Variants in IL1RAPL2 observed in about 807,000 individuals in gnomAD.
IL1RAPL2 encodes X-linked interleukin-1 receptor accessory protein-like 2.
A neutral mutation model predicts 44.1 loss-of-function variants in IL1RAPL2; 3 were observed. The ratio of observed to expected loss-of-function variants is 0.07; its 90% CI spans 0.03 to 0.18. IL1RAPL2 has a LOEUF of 0.18. Ranked by LOEUF, IL1RAPL2 falls within the 10% of genes least tolerant of loss-of-function variation. IL1RAPL2 has a pLI of 1.00. For synonymous variants in IL1RAPL2, 181 were observed against 178.8 expected, an observed-to-expected ratio of 1.01 and a Z score of -0.10; for missense variants, 391 against 496.4, an observed-to-expected ratio of 0.79 and a Z score of 2.02.
At position 105,297,459 on chromosome X, in the gene IL1RAPL2, C is replaced by T. The variant is rs188563400; in HGVS notation, c.697+29918C>T. 6.9e-4 allele frequency among the ~76,000 whole-genome samples: 77 copies of T among 111,313 alleles called. No homozygotes were observed. The Middle Eastern group carries it at 0.018, about 27-fold the overall frequency. On this transcript the variant is annotated intron_variant, in intron 5 of 10. Coordinates refer to ENST00000372582, the MANE Select transcript of IL1RAPL2 (RefSeq NM_017416.2). ...TTATAATGAAAAGAGGTTTAATTGA[C>T]TCAGAGTTCTGCATGGCTGGGGGGT... is the stretch of plus-strand genomic sequence containing the variant.
intron 6 of IL1RAPL2, among the ~76,000 whole-genome samples, chrX:105,486,640 G>A (rs779397789): frequency 2.2e-4 from 24 of 110,433 alleles, no homozygotes; most frequent in African/African-American, 6.6e-4. Context: ...GCCATATGAC[G>A]GTCTCGTATC....
At position 104,680,199 on chromosome X, in the gene IL1RAPL2, G is replaced by T. The variant is rs1186292430; in HGVS notation, c.82+21204G>T. ...TCTTTACTTTGGAATGCCTTTAATT[G>T]TTAGGAAACTAAAATCTGTTCTTTT... On this transcript the variant is annotated intron_variant, in intron 2 of 10. Coordinates refer to ENST00000372582, the MANE Select transcript of IL1RAPL2 (RefSeq NM_017416.2). Among the ~76,000 whole-genome samples the T allele has an allele frequency of 2.7e-5, 3 of 111,538 alleles. No homozygotes were observed. In the Admixed American group the frequency reaches 2.9e-4, roughly 11 times the overall value.
chrX:105,006,710 T>A lies in IL1RAPL2; in HGVS notation c.83-188765T>A, dbSNP rs768243770. ...CAATTATTGAGCACTTAAGCTCAGCTGGAATCCTATGAACTACTGTTTCCA... is the reference window on the plus strand; with the variant it reads ...CAATTATTGAGCACTTAAGCTCAGCAGGAATCCTATGAACTACTGTTTCCA... On this transcript the variant is annotated intron_variant, in intron 2 of 10. Coordinates refer to ENST00000372582, the MANE Select transcript of IL1RAPL2 (RefSeq NM_017416.2). 1.3e-4 allele frequency among the ~76,000 whole-genome samples: 14 copies of A among 111,179 alleles called. No individual in the cohort carries two copies. The South Asian group carries it at 4.9e-3, about 39-fold the overall frequency.
intron 2 of IL1RAPL2, among the ~76,000 whole-genome samples, chrX:105,153,386 G>A (rs756442119): frequency 4.5e-5 from 5 of 112,282 alleles, no homozygotes; most frequent in Non-Finnish European, 9.4e-5. Flanking sequence ...TCACAGGGTG[G>A]TTAAATAAAT....
chrX:104,826,890 T>C (rs1047369629), intron 2 of IL1RAPL2, among the ~76,000 whole-genome samples: 3 of 108,859 alleles, frequency 2.8e-5, no homozygotes, highest in Non-Finnish European at 3.8e-5. Context: ...TTTTTGATCT[T>C]TGTTGGTTGA....
chrX:104,960,334 A>G (rs373817220), intron 2 of IL1RAPL2, among the ~76,000 whole-genome samples: 1 of 112,189 alleles, frequency 8.9e-6, no homozygotes, highest in Admixed American at 9.5e-5. Context: ...AAGATGAGAA[A>G]ACAGACATAG....
chrX:104,712,780 A>G (rs935298538), intron 2 of IL1RAPL2, among the ~76,000 whole-genome samples: 1 of 110,540 alleles, frequency 9.0e-6, no homozygotes, highest in African/African-American at 3.3e-5. Flanking sequence ...AAACTTTACT[A>G]GCCTTTGTAG....
chrX:104,573,844 A>G (rs1275196770), intron 1 of IL1RAPL2, among the ~76,000 whole-genome samples: 1 of 111,941 alleles, frequency 8.9e-6, no homozygotes, highest in South Asian at 3.7e-4. Context: ...CAAAGATTTC[A>G]AATTCATGCG....
intron 5 of IL1RAPL2, among the ~76,000 whole-genome samples, chrX:105,438,704 AG>A (rs1342059657): frequency 1.8e-5 from 2 of 110,471 alleles, no homozygotes; most frequent in Non-Finnish European, 3.8e-5. Flanking sequence ...GCAAGATTAC[AG>A]GGTATTTATG....
chrX:105,402,201 A>G (rs2035611097), intron 5 of IL1RAPL2, among the ~76,000 whole-genome samples: 1 of 111,464 alleles, frequency 9.0e-6, no homozygotes, highest in South Asian at 3.7e-4. Context: ...GAAGTAATAC[A>G]GAGTTGCAAG....
chrX:104,656,670 T>A (rs1930270887), intron 1 of IL1RAPL2, among the ~76,000 whole-genome samples: 1 of 111,223 alleles, frequency 9.0e-6, no homozygotes, highest in Admixed American at 9.6e-5. Context: ...GGGTGTAGAG[T>A]TCTTTAGATT....
chrX:104,964,797 GT>G (rs80039868), intron 2 of IL1RAPL2, among the ~76,000 whole-genome samples: 1 of 108,612 alleles, frequency 9.2e-6, no homozygotes, highest in African/African-American at 3.4e-5. Flanking sequence ...ATATAAAAAA[GT>G]TTTTTTTTCT....
At chrX:105,485,823 G>A (rs867079888) in intron 6 of IL1RAPL2, among the ~76,000 whole-genome samples, 3 of 111,993 alleles carry the variant, frequency 2.7e-5, no homozygotes, top group Admixed American at 1.9e-4. Flanking sequence ...ATTCCATTGT[G>A]TATATGTACC....
At chrX:104,877,787 A>G (rs1377624317) in intron 2 of IL1RAPL2, among the ~76,000 whole-genome samples, 4 of 111,292 alleles carry the variant, frequency 3.6e-5, no homozygotes, top group Non-Finnish European at 7.5e-5. Context: ...GGTAAAGGAG[A>G]TAACGTAAAC....
At chrX:105,038,641 C>A (rs1031723460) in intron 2 of IL1RAPL2, among the ~76,000 whole-genome samples, 1 of 110,003 alleles carries the variant, frequency 9.1e-6, no homozygotes, top group East Asian at 2.9e-4. Context: ...ATTATTTCAT[C>A]GCCTATGTAA....
intron 5 of IL1RAPL2, among the ~76,000 whole-genome samples, chrX:105,454,853 A>G (rs982247197): frequency 3.7e-5 from 4 of 108,403 alleles, no homozygotes; most frequent in Non-Finnish European, 5.7e-5. Context: ...CTACACAGCA[A>G]CCCCTATCCC....
intron 6 of IL1RAPL2, among the ~76,000 whole-genome samples, chrX:105,543,993 A>G (rs1295202444): frequency 8.9e-6 from 1 of 111,920 alleles, no homozygotes; most frequent in Non-Finnish European, 1.9e-5. Flanking sequence ...TTGACTTTTT[A>G]AATCATTTTG....
chrX:105,022,092 T>G (rs2031291665), intron 2 of IL1RAPL2, among the ~76,000 whole-genome samples: 1 of 111,034 alleles, frequency 9.0e-6, no homozygotes, highest in African/African-American at 3.3e-5. Context: ...ATGAGAAAAA[T>G]TTTAAAAATA....
intron 2 of IL1RAPL2, among the ~76,000 whole-genome samples, chrX:105,029,477 C>A (rs1173270569): frequency 1.0e-5 from 1 of 97,440 alleles, no homozygotes; most frequent in African/African-American, 3.8e-5. Context: ...CTTCAATTCC[C>A]ACCTATGAGT....
Sources: gnomAD v4.1 joint callset for allele counts (sites outside exome capture counted in the v4.1 genomes callset) on GRCh38, gnomAD v4.1.1 for gene constraint, MANE v1.5 for transcripts, NCBI Gene and HGNC (gene_info 2026-07-23, HGNC 2026-07-21) for gene names.